The following ITGA7 variants were observed in gnomAD, a reference collection of about 807,000 sequenced individuals.
ITGA7 encodes integrin alpha-7.
ITGA7 carries 84 observed loss-of-function variants against 131.6 expected under a neutral mutation model. That is an observed-to-expected ratio of 0.64 (90% CI 0.54 to 0.77). The LOEUF is 0.77. ITGA7 is among the 30% of genes least tolerant of loss of function. ITGA7 has a pLI of 0.00. For missense variants in ITGA7, 1,399 were observed against 1,482.9 expected (o/e 0.94, Z 0.93); for synonymous variants, 548 against 600.7 (o/e 0.91, Z 1.28).
In ITGA7 at chr12:55,707,747, T is replaced by C. The variant is rs1875545740; in HGVS notation, c.-65A>G. On this transcript the variant is annotated 5_prime_UTR_variant, in exon 1 of 25. Coordinates refer to ENST00000257879, the MANE Select transcript of ITGA7 (RefSeq NM_002206.3). ...AATCTCGCACGCCCCAAGCCCCAGG[T>C]CCCCCCAGGCGCGTCTCTGGTCTCC... is the stretch of plus-strand genomic sequence containing the variant. 2 of 1,545,818 alleles carry C rather than the reference T, an allele frequency of 1.3e-6. No individual in the cohort carries two copies. Among genetic ancestry groups the C allele is most frequent in the Admixed American group, 2.0e-5 (1 of 50,674 alleles).
upstream of ITGA7, chr12:55,716,103 C>A (rs538559015): frequency 1.3e-6 from 2 of 1,599,326 alleles, no homozygotes; most frequent in Non-Finnish European, 1.7e-6. Context: ...CCGGAGGGGG[C>A]CCGGCGTACC....
At position 55,696,906 on chromosome 12, in the gene ITGA7, T is replaced by G; in HGVS notation, c.1730A>C (p.Gln577Pro). Residue 577 changes from glutamine (Q) to proline (P), a missense_variant, in exon 12 of 25, where the codon CAG (glutamine) becomes CCG (proline). By Grantham distance (76) the Gln-to-Pro change is moderately conservative (BLOSUM62 -1). Transcript: ENST00000257879. Reference protein sequence around the residue: ...HDRVCGDAMFQLQENVKDKLR... With the variant: ...HDRVCGDAMFPLQENVKDKLR... ...CAAGGGGTCAGTGTCCACCTGGAGC[T>G]GGAACATGGCGTCTCCACAGACTCG... The G allele has an allele frequency of 6.2e-7, 1 of 1,614,180 alleles. No individual in the cohort carries two copies. Among genetic ancestry groups the G allele is most frequent in the Non-Finnish European group, 8.5e-7 (1 of 1,180,014 alleles).
intron 1 of ITGA7, among the ~76,000 whole-genome samples, chr12:55,705,558 G>A (rs1875006818): frequency 6.6e-6 from 1 of 152,172 alleles, no homozygotes; most frequent in Non-Finnish European, 1.5e-5. Flanking sequence ...TGGGGAGGAT[G>A]CTTGGCCTGG....
Position 55,696,369 on chromosome 12 carries a change from G to A in ITGA7, c.1801C>T (p.Arg601Trp), listed in dbSNP as rs201875236. 9.8e-5 allele frequency: 157 copies of A among 1,595,114 alleles called. No individual in the cohort carries two copies. Among genetic ancestry groups the A allele is most frequent in the Non-Finnish European group, 1.2e-4 (144 of 1,169,640 alleles). ...VTLSYSLQTP[R>W]LRRQAPGQGL... ...TGGCCAGGAGCCTGTCGCCGGAGCC[G>A]AGGGGTCTGGAGACTGTAGGACAAG... The change falls in exon 13 of 25, where the codon CGG becomes TGG. Residue 601 changes from arginine to tryptophan, a missense_variant. Arg to Trp is a moderately radical substitution (Grantham distance 101). Transcript: ENST00000257879.
chr12:55,707,576 A>G lies in ITGA7; in HGVS notation c.107T>C (p.Leu36Pro). Reference protein sequence around the residue: ...LLFSRAVAFNLDVMGALRKEG... With the variant: ...LLFSRAVAFNPDVMGALRKEG... ...CTTGCGCAAGGCACCCATCACGTCCAGATTGAAGGCGACAGCCCGTGAGAA... is the reference window on the plus strand; with the variant it reads ...CTTGCGCAAGGCACCCATCACGTCCGGATTGAAGGCGACAGCCCGTGAGAA... Residue 36 changes from leucine to proline, a missense_variant, in exon 1 of 25, where the codon CTG becomes CCG. Leu to Pro is a moderately conservative substitution (Grantham distance 98). Transcript: ENST00000257879. The G allele has an allele frequency of 6.2e-7, 1 of 1,613,936 alleles. No homozygotes were observed. Among genetic ancestry groups the G allele is most frequent in the Non-Finnish European group, 8.5e-7 (1 of 1,179,914 alleles).
chr12:55,696,219 G>A, intron 13 of ITGA7, 64 bp downstream of exon 13: 1 of 1,508,796 alleles, frequency 6.6e-7, no homozygotes, highest in South Asian at 1.2e-5. Flanking sequence ...GTGTCACTGG[G>A]GAGGGACCAT....
rs373970082 is a variant in ITGA7, at chr12:55,701,523, TGTAA to T, written c.415-373_415-370del. Reference sequence around the variant, plus strand: ...AAGCTTGGCCCTGTCCCTGGACCTTTGTAAGTGTCACCATCTCATCTGCAAAGAA... The same window carrying T: ...AAGCTTGGCCCTGTCCCTGGACCTTTGTGTCACCATCTCATCTGCAAAGAA... On this transcript the variant is annotated intron_variant, in intron 3 of 24. Transcript: ENST00000257879. 3.1e-4 allele frequency: 323 copies of T among 1,037,870 alleles called. 1 individual carries two copies. The African/African-American group carries it at 4.5e-3, about 14-fold the overall frequency. 64.3% of individuals were successfully genotyped at this position (1,037,870 alleles called of 1,614,324 possible). A position where few individuals can be genotyped will look rare whatever the true frequency, so the allele number is the denominator to read the frequency against.
intron 1 of ITGA7, among the ~76,000 whole-genome samples, chr12:55,705,714 T>G (rs1473043137): frequency 6.6e-6 from 1 of 152,262 alleles, no homozygotes; most frequent in Non-Finnish European, 1.5e-5. Flanking sequence ...TCTAAGCATT[T>G]TATATATATT....
In ITGA7 at chr12:55,693,286, A is replaced by G. The variant is rs1403426045; in HGVS notation, c.2567T>C (p.Leu856Pro). 1.4e-5 allele frequency: 22 copies of G among 1,613,936 alleles called. No homozygotes were observed. Among genetic ancestry groups the G allele is most frequent in the Non-Finnish European group, 1.9e-5 (22 of 1,180,034 alleles). ...VSNQGQSLRT[L>P]GSAFLNIMWP... ...CATGATGTTGAGGAAGGCAGAGCCC[A>G]GGGTTCTGAGCGACTGGCCTTGGTT... The change falls in exon 20 of 25, where the codon CTG becomes CCG. Residue 856 changes from leucine to proline, a missense_variant. Leu to Pro is a moderately conservative substitution (Grantham distance 98). Transcript: ENST00000257879.
chr12:55,685,138 G>A lies in ITGA7; in HGVS notation c.3334C>T (p.Pro1112Ser), dbSNP rs1413641636. The change falls in exon 25 of 25, where the codon CCG becomes TCG. Residue 1112 changes from proline to serine, a missense_variant. Pro to Ser is a moderately conservative substitution (Grantham distance 74). Transcript: ENST00000257879. ...NNWGSPRREG[P>S]DAHPILAADG... ...GCAGCCAGGATGGGGTGTGCATCCG[G>A]GCCCTCCCGCCGGGGGCTGCCCCAG... 1.2e-6 allele frequency: 2 copies of A among 1,613,450 alleles called. No individual in the cohort carries two copies. Among genetic ancestry groups the A allele is most frequent in the East Asian group, 2.2e-5 (1 of 44,884 alleles).
Position 55,692,886 on chromosome 12 carries a change from C to T in ITGA7, c.2802G>A (p.Trp934Ter), listed in dbSNP as rs780447018. 6.2e-7 allele frequency: 1 copy of T among 1,614,066 alleles called. No homozygotes were observed. The highest frequency in any genetic ancestry group is 8.5e-7 in the Non-Finnish European group (1 of 1,179,998). ...TCTTCTCAGCAGAGGACACTGGCCA[C>T]CAGGACATGCTGGGCTCCTGCCGCT... Reference protein sequence around the residue: ...PGERQEPSMSWWPVSSAEKKK... With the variant: ...PGERQEPSMS Residue 934 changes from tryptophan (W) to a stop codon, truncating the protein, a stop_gained, in exon 21 of 25, where the codon TGG (tryptophan) becomes TGA (stop). Transcript: ENST00000257879. LOFTEE classifies it high-confidence loss of function.
At chr12:55,713,585 G>A (rs1428723970), upstream of ITGA7, among the ~76,000 whole-genome samples, 2 of 152,192 alleles carry the variant, frequency 1.3e-5, no homozygotes, top group Non-Finnish European at 2.9e-5. Flanking sequence ...TCACAGAACT[G>A]TTCTAGGGAT....
At chr12:55,687,487 C>CT (rs34640494) in intron 24 of ITGA7, among the ~76,000 whole-genome samples, 1,197 of 59,630 alleles carry the variant, frequency 0.02, 45 homozygotes, top group Non-Finnish European at 0.028. Context: ...CCATGCCCGG[C>CT]TTTTTTTTTT....
intron 9 of ITGA7, 34 bp from the exon 10 acceptor site, chr12:55,697,580 G>A (rs1434855022): frequency 6.2e-7 from 1 of 1,609,828 alleles, no homozygotes; most frequent in Non-Finnish European, 8.5e-7. Context: ...CAAGAAACAT[G>A]AGAACATGAG....
chr12:55,708,081 G>T, upstream of ITGA7: 1 of 966,594 alleles, frequency 1.0e-6, no homozygotes, highest in Non-Finnish European at 1.2e-6. Flanking sequence ...GCCCAGCACC[G>T]TCTCCGGCTC....
intron 22 of ITGA7, among the ~76,000 whole-genome samples, 181 bp from the exon 23 acceptor site, chr12:55,688,481 T>C (rs1870727781): frequency 6.6e-6 from 1 of 152,150 alleles, no homozygotes; most frequent in Non-Finnish European, 1.5e-5. Context: ...TCCCAGCACT[T>C]TGGGAGGCCA....
chr12:55,707,816 G>GCCCGGC lies in ITGA7; in HGVS notation c.-135_-134insGCCGGG. The GCCCGGC allele has an allele frequency of 2.1e-5, 30 of 1,462,836 alleles. No individual in the cohort carries two copies. The highest frequency in any genetic ancestry group is 2.5e-5 in the East Asian group (1 of 39,976). The allele number at this position is 1,462,836 out of a possible 1,614,324, so 90.6% of individuals were successfully genotyped here. Reference sequence around the variant, plus strand: ...CAGACGTCTCCCAGACGTTCGCCCCGCCAGCCCTCCCGCCCGCCCGCCGCT... The same window carrying GCCCGGC: ...CAGACGTCTCCCAGACGTTCGCCCCGCCCGGCCCAGCCCTCCCGCCCGCCCGCCGCT... On this transcript the variant is annotated 5_prime_UTR_variant, in exon 1 of 25. Coordinates refer to ENST00000257879, the MANE Select transcript of ITGA7 (RefSeq NM_002206.3).
intron 14 of ITGA7, 86 bp from the exon 15 acceptor site, chr12:55,695,056 T>C: frequency 7.4e-7 from 1 of 1,346,794 alleles, no homozygotes; most frequent in Non-Finnish European, 1.0e-6. Context: ...AGTACCTGCC[T>C]TCACTCCCTG....
chr12:55,684,848 C>T lies in ITGA7; in HGVS notation c.*210G>A. 1.7e-6 allele frequency: 1 copy of T among 585,690 alleles called. No homozygotes were observed. Among genetic ancestry groups the T allele is most frequent in the South Asian group, 2.2e-5 (1 of 45,300 alleles). The allele number at this position is 585,690 out of a possible 1,614,324, so 36.3% of individuals were successfully genotyped here. A position where few individuals can be genotyped will look rare whatever the true frequency, so the allele number is the denominator to read the frequency against. Reference sequence around the variant, plus strand: ...TCTCACCCTACCCCATGGCCCTGTCCCTGATTTACCCACTCTCATCTCACA... The same window carrying T: ...TCTCACCCTACCCCATGGCCCTGTCTCTGATTTACCCACTCTCATCTCACA... On this transcript the variant is annotated 3_prime_UTR_variant, in exon 25 of 25. Coordinates refer to ENST00000257879, the MANE Select transcript of ITGA7 (RefSeq NM_002206.3).
Sources: allele counts gnomAD v4.1 joint callset (sites outside exome capture counted in the v4.1 genomes callset), GRCh38; gene constraint gnomAD v4.1.1; transcripts MANE v1.5; gene names NCBI Gene and HGNC (gene_info 2026-07-23, HGNC 2026-07-21).